ROBO2: variants seen among roughly 807,000 people sequenced by gnomAD.
ROBO2 encodes the protein roundabout guidance receptor 2.
A neutral mutation model predicts 160.8 loss-of-function variants in ROBO2; 53 were observed. That is an observed-to-expected ratio of 0.33 (90% CI 0.26 to 0.41). ROBO2 has a LOEUF of 0.41. Ranked by LOEUF, ROBO2 falls within the 10% of genes least tolerant of loss-of-function variation. ROBO2 has a pLI of 1.00. For missense variants in ROBO2, 1,577 were observed against 1,722.4 expected, an observed-to-expected ratio of 0.92 and a Z score of 1.49; for synonymous variants, 664 against 611.7, an observed-to-expected ratio of 1.09 and a Z score of -1.26.
intron 2 of ROBO2, among the ~76,000 whole-genome samples, chr3:76,743,373 G>A (rs561160332): frequency 6.6e-6 from 1 of 152,130 alleles, no homozygotes; most frequent in African/African-American, 2.4e-5. Flanking sequence ...CTATTTTGGT[G>A]ATGGGTTCAC....
chr3:77,260,014 GT>G (rs1317244655), intron 2 of ROBO2, among the ~76,000 whole-genome samples: 1 of 152,136 alleles, frequency 6.6e-6, no homozygotes, highest in African/African-American at 2.4e-5. Flanking sequence ...GGGTCAGGCC[GT>G]TTATGAGCTC....
intron 2 of ROBO2, among the ~76,000 whole-genome samples, chr3:76,267,312 A>G (rs1245210056): frequency 1.3e-5 from 2 of 152,180 alleles, no homozygotes; most frequent in Non-Finnish European, 2.9e-5. Flanking sequence ...AATGTGTGAC[A>G]CTTTCATTAC....
chr3:76,343,141 G>A (rs889683062), intron 2 of ROBO2, among the ~76,000 whole-genome samples: 2 of 151,714 alleles, frequency 1.3e-5, no homozygotes, highest in Non-Finnish European at 2.9e-5. Flanking sequence ...TGTTCAAGGT[G>A]GAATTCAGCT....
At chr3:75,988,164 A>G (rs988667584) in intron 2 of ROBO2, among the ~76,000 whole-genome samples, 1 of 151,740 alleles carries the variant, frequency 6.6e-6, no homozygotes, top group East Asian at 1.9e-4. Flanking sequence ...AGGTCCAGGG[A>G]TTTTCTTTGT....
intron 5 of ROBO2, among the ~76,000 whole-genome samples, chr3:77,517,883 G>C (rs777545282): frequency 2.6e-5 from 4 of 151,316 alleles, no homozygotes; most frequent in African/African-American, 4.8e-5. Context: ...TGACTGTCTC[G>C]TGTAGTGTAT....
chr3:76,042,042 A>C (rs889890902), intron 2 of ROBO2, among the ~76,000 whole-genome samples: 7 of 146,220 alleles, frequency 4.8e-5, no homozygotes, highest in Non-Finnish European at 7.6e-5. Context: ...AAAAAAAAAA[A>C]CACCCCAGAA....
chr3:76,444,637 G>A (rs1049667409), intron 2 of ROBO2, among the ~76,000 whole-genome samples: 5 of 152,224 alleles, frequency 3.3e-5, no homozygotes, highest in African/African-American at 1.2e-4. Context: ...AGAACAGCAT[G>A]GGGGAACCAC....
intron 2 of ROBO2, among the ~76,000 whole-genome samples, chr3:77,399,274 C>T (rs940467451): frequency 6.6e-6 from 1 of 152,184 alleles, no homozygotes; most frequent in African/African-American, 2.4e-5. Flanking sequence ...CATTAATTCC[C>T]TTCATATCTA....
At chr3:76,042,843 G>A (rs986028970) in intron 2 of ROBO2, among the ~76,000 whole-genome samples, 11 of 152,038 alleles carry the variant, frequency 7.2e-5, no homozygotes, top group African/African-American at 2.4e-4. Context: ...CATACCCCTT[G>A]CTTGCTCAAA....
rs1000038110 is a variant in ROBO2 at position 76,887,204 on chromosome 3, T to G, written c.110-210810T>G. Among the ~76,000 whole-genome samples, 7 of 139,220 alleles carry G rather than the reference T, an allele frequency of 5.0e-5. 1 individual carries two copies. Among genetic ancestry groups the G allele is most frequent in the African/African-American group, 1.9e-4 (7 of 37,394 alleles). The allele number at this position is 139,220 out of a possible 152,430, so 91.3% of individuals were successfully genotyped here. On this transcript the variant is annotated intron_variant, in intron 2 of 26. Transcript: ENST00000487694. ...TTTGCTTCAGGAAGCATTTTTTTTT[T>G]TTTTTTTTTTTTTTTTGGTAAGGAA... is the stretch of plus-strand genomic sequence containing the variant.
intron 2 of ROBO2, among the ~76,000 whole-genome samples, chr3:77,127,716 G>A (rs796610985): frequency 5.3e-5 from 8 of 152,216 alleles, no homozygotes; most frequent in African/African-American, 1.9e-4. Context: ...GAAAATTAAG[G>A]CCTCATTCCC....
intron 15 of ROBO2, among the ~76,000 whole-genome samples, chr3:77,578,067 C>G (rs1041602702): frequency 6.6e-6 from 1 of 152,024 alleles, no homozygotes; most frequent in African/African-American, 2.4e-5. Flanking sequence ...CTAGATGCTA[C>G]TTTTGTGTAT....
At chr3:77,049,575 A>C (rs1436712990) in intron 1 of ROBO2, among the ~76,000 whole-genome samples, 5 of 152,188 alleles carry the variant, frequency 3.3e-5, no homozygotes, top group Non-Finnish European at 7.3e-5. Context: ...GAATTTTAAA[A>C]ATTTAATACT....
intron 2 of ROBO2, among the ~76,000 whole-genome samples, chr3:76,520,613 A>G (rs1352726596): frequency 6.6e-6 from 1 of 152,194 alleles, no homozygotes. Context: ...ACTCAGGTCC[A>G]AATCAATAAT....
At chr3:76,737,608 T>A (rs991809784) in intron 2 of ROBO2, among the ~76,000 whole-genome samples, 11 of 152,144 alleles carry the variant, frequency 7.2e-5, no homozygotes, top group African/African-American at 2.4e-4. Context: ...TATTTTTCCT[T>A]AGCTATATAA....
rs147925823 is a variant in ROBO2, at chr3:77,064,581, G to C, written c.61+23735G>C. Among the ~76,000 whole-genome samples the C allele has an allele frequency of 3.2e-4, 46 of 142,834 alleles. No individual in the cohort carries two copies. The East Asian group carries it at 9.3e-3, about 29-fold the overall frequency. 93.7% of individuals were successfully genotyped at this position (142,834 alleles called of 152,430 possible). A position where few individuals can be genotyped will look rare whatever the true frequency, so the allele number is the denominator to read the frequency against. On this transcript the variant is annotated intron_variant, in intron 1 of 25. Coordinates refer to ENST00000461745, the Ensembl canonical transcript of ROBO2. ...TTGCCATATTGGCCCGGCTGGTCTT[G>C]AACTCCTGACCTCAAATGATCTACA...
intron 2 of ROBO2, among the ~76,000 whole-genome samples, chr3:76,587,476 T>C (rs1027124571): frequency 1.3e-5 from 2 of 152,038 alleles, no homozygotes; most frequent in African/African-American, 4.8e-5. Context: ...AAACGCACCT[T>C]CCTCACATGC....
chr3:76,919,291 T>C (rs1338103254), intron 2 of ROBO2, among the ~76,000 whole-genome samples: 1 of 152,210 alleles, frequency 6.6e-6, no homozygotes, highest in African/African-American at 2.4e-5. Context: ...TTTAAGAATG[T>C]AATTCTGATG....
At chr3:77,144,514 T>C (rs528105234) in intron 2 of ROBO2, among the ~76,000 whole-genome samples, 1 of 152,350 alleles carries the variant, frequency 6.6e-6, no homozygotes, top group African/African-American at 2.4e-5. Flanking sequence ...TTTTGATTTG[T>C]CTCAACTATA....
Sources: allele counts gnomAD v4.1 joint callset (sites outside exome capture counted in the v4.1 genomes callset), GRCh38; gene constraint gnomAD v4.1.1; transcripts MANE v1.5; gene names NCBI Gene and HGNC (gene_info 2026-07-23, HGNC 2026-07-21).